The following MYH13 variants were observed in gnomAD, a reference collection of about 807,000 sequenced individuals.
MYH13 encodes myosin heavy chain 13.
Under a neutral mutation model 232.1 loss-of-function variants are expected in MYH13, and 177 were observed. The observed-to-expected ratio is 0.76, with a 90% CI of 0.67 to 0.86. The LOEUF is 0.86. Among genes scored for constraint, MYH13 ranks in the 40% least tolerant of loss-of-function variants. The pLI, the probability that MYH13 is intolerant of heterozygous loss-of-function variation, is 0.00. For synonymous variants in MYH13, 884 were observed against 923.5 expected (o/e 0.96, Z 0.78); for missense variants, 2,246 against 2,405.9 (o/e 0.93, Z 1.39).
Position 10,312,002 on chromosome 17 carries a change from T to A in MYH13, c.4440A>T (p.Ser1480=). The change falls in exon 32 of 41, where the codon TCA becomes TCT. Residue 1480 remains serine (S), a synonymous_variant. Transcript: ENST00000252172. ...ELEAAQKESR[S]LSTELFKMRN... ...TCATCTTGAAGAGTTCAGTGCTGAG[T>A]GACCTGGACTCCTTCTGAGCAGCTT... 1 of 1,614,012 alleles carries A rather than the reference T, an allele frequency of 6.2e-7. No homozygotes were observed. Among genetic ancestry groups the A allele is most frequent in the Non-Finnish European group, 8.5e-7 (1 of 1,179,886 alleles).
intron 39 of MYH13, among the ~76,000 whole-genome samples, chr17:10,301,934 C>T: frequency 6.6e-6 from 1 of 152,218 alleles, no homozygotes; most frequent in East Asian, 1.9e-4. Flanking sequence ...AGGACCTCCA[C>T]ATGTTCCCTT....
intron 18 of MYH13, among the ~76,000 whole-genome samples, chr17:10,334,413 TAAA>T (rs1907517533): frequency 6.6e-6 from 1 of 152,362 alleles, no homozygotes; most frequent in African/African-American, 2.4e-5. Flanking sequence ...TCATTAAAAT[TAAA>T]AATTAATTAA....
intron 13 of MYH13, 126 bp downstream of exon 13, chr17:10,346,554 G>T (rs2071667712): frequency 4.6e-6 from 3 of 651,746 alleles, no homozygotes; most frequent in Non-Finnish European, 7.3e-6. Context: ...GCCTAAAAAT[G>T]AACTTCCTCT....
In MYH13 at chr17:10,305,197, C is replaced by T. The variant is rs1906233688; in HGVS notation, c.5466+1262G>A. Among the ~76,000 whole-genome samples, 3 of 152,304 alleles carry T rather than the reference C, an allele frequency of 2.0e-5. 1 individual carries two copies. The South Asian group carries it at 6.2e-4, about 32-fold the overall frequency. On this transcript the variant is annotated intron_variant, in intron 37 of 40. Transcript: ENST00000252172. ...GGGGATGGGAGGACAGTCAAGGTGC[C>T]TCACCATGGGAGGGGGAGGGTGGCC...
chr17:10,339,084 T>C (rs1006049780), intron 18 of MYH13, among the ~76,000 whole-genome samples: 2 of 151,568 alleles, frequency 1.3e-5, no homozygotes, highest in African/African-American at 2.4e-5. Context: ...GGTGAACTTT[T>C]CCCCCCCAAC....
chr17:10,344,535 C>T (rs1567667920), intron 15 of MYH13, among the ~76,000 whole-genome samples: 2 of 151,780 alleles, frequency 1.3e-5, no homozygotes, highest in African/African-American at 2.4e-5. Flanking sequence ...AAGTTAATGT[C>T]GGCCGGGCGT....
At chr17:10,314,939 C>T (rs1285381537) in intron 29 of MYH13, among the ~76,000 whole-genome samples, 2 of 152,206 alleles carry the variant, frequency 1.3e-5, no homozygotes, top group Non-Finnish European at 2.9e-5. Context: ...GTTTATGCGA[C>T]TGTCTCAAGG....
At chr17:10,356,294 C>T (rs768470461) in intron 8 of MYH13, among the ~76,000 whole-genome samples, 4 of 152,062 alleles carry the variant, frequency 2.6e-5, no homozygotes, top group Non-Finnish European at 4.4e-5. Context: ...AGCGGCTTAA[C>T]AGAAGACAAT....
intron 18 of MYH13, among the ~76,000 whole-genome samples, chr17:10,336,967 G>C (rs2071580613): frequency 1.3e-5 from 2 of 151,224 alleles, no homozygotes; most frequent in Non-Finnish European, 2.9e-5. Context: ...ACTGAGGCTG[G>C]AGTGCAGTGG....
At chr17:10,362,054 A>T in intron 5 of MYH13, 64 bp downstream of exon 5, 1 of 1,612,086 alleles carries the variant, frequency 6.2e-7, no homozygotes, top group Non-Finnish European at 8.5e-7. Flanking sequence ...GCCAACGCCC[A>T]TCAAAAGCTT....
intron 12 of MYH13, 141 bp from the exon 13 acceptor site, chr17:10,346,939 T>G: frequency 1.6e-6 from 1 of 623,204 alleles, no homozygotes; most frequent in Non-Finnish European, 2.7e-6. Context: ...GGTCTGGACT[T>G]GTTCACTGAA....
At chr17:10,318,744 G>C (rs2074872) in intron 27 of MYH13, 46 bp downstream of exon 27, 4 of 1,605,868 alleles carry the variant, frequency 2.5e-6, no homozygotes, top group Non-Finnish European at 3.4e-6. Flanking sequence ...GCAGGTGGCC[G>C]TCGGCTGCCT....
Position 10,360,257 on chromosome 17 carries a change from T to A in MYH13, c.506-69A>T, listed in dbSNP as rs2071781840. 3 of 1,537,024 alleles carry A rather than the reference T, an allele frequency of 2.0e-6. No homozygotes were observed. In the African/African-American group the frequency reaches 4.1e-5, roughly 21 times the overall value. ...ACAGAATGTTAAAATAAAGTAACAT[T>A]GGGGGTGGTTGGAGAACATAGGCTC... On this transcript the variant is annotated intron_variant, in intron 5 of 40. Transcript: ENST00000252172.
At chr17:10,358,149 A>G (rs1184710483) in intron 7 of MYH13, among the ~76,000 whole-genome samples, 1 of 152,178 alleles carries the variant, frequency 6.6e-6, no homozygotes, top group African/African-American at 2.4e-5. Context: ...GGATTTTTAT[A>G]ACATGCACCT....
At position 10,350,549 on chromosome 17, in the gene MYH13, C is replaced by G. The variant is rs577223070; in HGVS notation, c.1144+7G>C. 2 of 1,611,060 alleles carry G rather than the reference C, an allele frequency of 1.2e-6. No homozygotes were observed. Among genetic ancestry groups the G allele is most frequent in the Admixed American group, 1.7e-5 (1 of 59,816 alleles). On this transcript the variant is annotated splice_region_variant and intron_variant, in intron 12 of 40. Coordinates refer to ENST00000252172, the MANE Select transcript of MYH13 (RefSeq NM_003802.3). ...CCCAATCGCATCCCTTTCCCAGATGCAGTTACCTTCGGTGCCGTCTGGCTC... is the reference window on the plus strand; with the variant it reads ...CCCAATCGCATCCCTTTCCCAGATGGAGTTACCTTCGGTGCCGTCTGGCTC...
intron 12 of MYH13, among the ~76,000 whole-genome samples, chr17:10,347,298 G>T (rs1397565615): frequency 1.3e-5 from 2 of 152,204 alleles, no homozygotes; most frequent in African/African-American, 4.8e-5. Context: ...CTAGGAGGCA[G>T]AGGTTGCAGT....
chr17:10,334,921 A>T (rs2071560857), intron 18 of MYH13, among the ~76,000 whole-genome samples: 1 of 151,784 alleles, frequency 6.6e-6, no homozygotes, highest in South Asian at 2.1e-4. Flanking sequence ...TAAAAAATTC[A>T]TAGAACCGCC....
intron 31 of MYH13, 27 bp from the exon 32 acceptor site, chr17:10,312,103 G>A: frequency 6.2e-7 from 1 of 1,611,990 alleles, no homozygotes; most frequent in Non-Finnish European, 8.5e-7. Flanking sequence ...GGACATGGGA[G>A]AAGCAGAAAG....
intron 8 of MYH13, among the ~76,000 whole-genome samples, chr17:10,355,764 A>G (rs1240379233): frequency 1.4e-5 from 2 of 142,470 alleles, no homozygotes; most frequent in African/African-American, 5.3e-5. Context: ...CTGTTCTCTT[A>G]TACCTGGATT....
Sources: gnomAD v4.1 joint callset for allele counts (sites outside exome capture counted in the v4.1 genomes callset) on GRCh38, gnomAD v4.1.1 for gene constraint, MANE v1.5 for transcripts, NCBI Gene and HGNC (gene_info 2026-07-23, HGNC 2026-07-21) for gene names.